Variants in MAGI2 observed in about 807,000 individuals in gnomAD.
The protein encoded by MAGI2 is membrane-associated guanylate kinase, WW and PDZ domain-containing protein 2.
MAGI2 carries 35 observed loss-of-function variants against 133.3 expected under a neutral mutation model. The observed-to-expected ratio is 0.26, with a 90% CI of 0.20 to 0.35. The LOEUF (loss-of-function observed/expected upper bound fraction) is 0.35. Among genes scored for constraint, MAGI2 ranks in the 10% least tolerant of loss-of-function variants. The probability of loss-of-function intolerance (pLI) is 1.00; values close to 1 mark genes in which losing one functional copy is unlikely to be tolerated. For missense variants in MAGI2, 1,636 were observed against 1,863.4 expected (o/e 0.88, Z 2.25); for synonymous variants, 729 against 710.6 (o/e 1.03, Z -0.41).
intron 1 of MAGI2, among the ~76,000 whole-genome samples, chr7:79,359,147 A>T (rs538953379): frequency 6.6e-6 from 1 of 152,332 alleles, no homozygotes; most frequent in Non-Finnish European, 1.5e-5. Flanking sequence ...TCTCCAAGAA[A>T]GTTGTACATA....
intron 9 of MAGI2, among the ~76,000 whole-genome samples, chr7:78,330,298 C>A (rs1325345494): frequency 6.6e-6 from 1 of 152,166 alleles, no homozygotes; most frequent in Non-Finnish European, 1.5e-5. Context: ...CCATAGTAAT[C>A]CATGTCAGAC....
chr7:78,144,894 C>T (rs931877394), intron 16 of MAGI2, among the ~76,000 whole-genome samples: 7 of 152,068 alleles, frequency 4.6e-5, no homozygotes, highest in African/African-American at 1.7e-4. Context: ...CCCCCTGCCC[C>T]CCATGTGCTC....
At chr7:78,768,993 G>A (rs969493295) in intron 2 of MAGI2, among the ~76,000 whole-genome samples, 1 of 152,128 alleles carries the variant, frequency 6.6e-6, no homozygotes, top group East Asian at 1.9e-4. Context: ...AGCGCATCCT[G>A]CCTCTGCTGG....
intron 1 of MAGI2, among the ~76,000 whole-genome samples, chr7:79,166,775 AT>A (rs937462927): frequency 4.6e-5 from 7 of 151,694 alleles, no homozygotes; most frequent in South Asian, 4.2e-4. Flanking sequence ...AGTAAGACTA[AT>A]TTTTTTTTCA....
intron 1 of MAGI2, among the ~76,000 whole-genome samples, chr7:79,218,210 TTCC>T (rs1830178056): frequency 1.3e-5 from 2 of 152,130 alleles, no homozygotes; most frequent in African/African-American, 4.8e-5. Flanking sequence ...ATACTTTGTA[TTCC>T]ATGACCTTAT....
At chr7:79,036,406 C>A (rs1327629889) in intron 1 of MAGI2, among the ~76,000 whole-genome samples, 1 of 152,162 alleles carries the variant, frequency 6.6e-6, no homozygotes, top group Non-Finnish European at 1.5e-5. Context: ...TCCTACATGA[C>A]TGAGGATTAA....
chr7:79,352,240 C>T (rs1055304014), intron 1 of MAGI2, among the ~76,000 whole-genome samples: 5 of 152,114 alleles, frequency 3.3e-5, no homozygotes, highest in African/African-American at 4.8e-5. Flanking sequence ...ATCAATTATG[C>T]GAAGTTAGAC....
At chr7:79,077,500 G>A (rs748287351) in intron 1 of MAGI2, among the ~76,000 whole-genome samples, 5 of 147,860 alleles carry the variant, frequency 3.4e-5, no homozygotes, top group African/African-American at 5.0e-5. Flanking sequence ...GTGTGAACCT[G>A]GCCGGTGGAG....
intron 1 of MAGI2, among the ~76,000 whole-genome samples, chr7:79,287,746 A>G (rs1174301768): frequency 6.6e-6 from 1 of 152,178 alleles, no homozygotes; most frequent in African/African-American, 2.4e-5. Context: ...TTTATCTAGG[A>G]TAATGTAAAG....
intron 21 of MAGI2, among the ~76,000 whole-genome samples, chr7:78,061,409 T>C (rs999945799): frequency 7.2e-6 from 1 of 139,708 alleles, no homozygotes; most frequent in Non-Finnish European, 1.5e-5. Flanking sequence ...GGACTGGTTG[T>C]ACACACACAC....
chr7:79,432,333 C>T (rs1386475556), intron 1 of MAGI2, among the ~76,000 whole-genome samples: 1 of 152,170 alleles, frequency 6.6e-6, no homozygotes, highest in African/African-American at 2.4e-5. Flanking sequence ...CCCACACTAG[C>T]TGTTTGTTGA....
In MAGI2 at chr7:79,028,285, ATATATATGTGTG is replaced by A. The variant is rs1228905213; in HGVS notation, c.302-21091_302-21080del. Among the ~76,000 whole-genome samples the A allele has an allele frequency of 2.5e-3, 137 of 54,302 alleles. 2 individuals are homozygous for A. Among genetic ancestry groups the A allele is most frequent in the African/African-American group, 8.4e-3 (129 of 15,278 alleles). The allele number at this position is 54,302 out of a possible 152,430, so 35.6% of individuals were successfully genotyped here. ...TATATATATGTATGTATGTATATAT[ATATATATGTGTG>A]TATATATATATATATACACACATAT... On this transcript the variant is annotated intron_variant, in intron 1 of 21. Transcript: ENST00000354212.
At position 78,248,319 on chromosome 7, in the gene MAGI2, T is replaced by C. The variant is rs1024649633; in HGVS notation, c.2047+7624A>G. On this transcript the variant is annotated intron_variant, in intron 10 of 21. Coordinates refer to ENST00000354212, the MANE Select transcript of MAGI2 (RefSeq NM_012301.4). Reference sequence around the variant, plus strand: ...CAACATTCACTGATAAGGGCAAATATATCAAATCCAGAATAATTCAATACT... The same window carrying C: ...CAACATTCACTGATAAGGGCAAATACATCAAATCCAGAATAATTCAATACT... Among the ~76,000 whole-genome samples the C allele has an allele frequency of 2.6e-5, 4 of 152,150 alleles. No individual in the cohort carries two copies. In the East Asian group the frequency reaches 7.7e-4, roughly 29 times the overall value.
At position 78,833,640 on chromosome 7, in the gene MAGI2, C is replaced by T. The variant is rs1304031687; in HGVS notation, c.418+173450G>A. ...CTGAACCAAAAGGCTCAATGCCTGA[C>T]CAGGTGTCTCCTCACACAGCCCTCT... On this transcript the variant is annotated intron_variant, in intron 2 of 21. Coordinates refer to ENST00000354212, the MANE Select transcript of MAGI2 (RefSeq NM_012301.4). Among the ~76,000 whole-genome samples the T allele has an allele frequency of 2.6e-5, 4 of 152,168 alleles. No homozygotes were observed. The East Asian group carries it at 7.7e-4, about 29-fold the overall frequency.
chr7:78,635,827 A>C (rs1238358506), intron 2 of MAGI2, among the ~76,000 whole-genome samples: 1 of 152,238 alleles, frequency 6.6e-6, no homozygotes, highest in Non-Finnish European at 1.5e-5. Flanking sequence ...TACATCCGAT[A>C]GATTCCTTTG....
At chr7:79,052,151 C>T (rs1458689444) in intron 1 of MAGI2, among the ~76,000 whole-genome samples, 2 of 152,102 alleles carry the variant, frequency 1.3e-5, no homozygotes, top group East Asian at 3.9e-4. Flanking sequence ...CAGCAGAAAC[C>T]ATGCTAAGTG....
intron 2 of MAGI2, among the ~76,000 whole-genome samples, chr7:78,807,177 G>T (rs983944218): frequency 6.6e-6 from 1 of 151,794 alleles, no homozygotes; most frequent in Admixed American, 6.6e-5. Context: ...TGATCCCTTT[G>T]CACTCTTGTA....
Position 78,498,178 on chromosome 7 carries a change from T to G in MAGI2, c.965+3399A>C, listed in dbSNP as rs79597884. Reference sequence around the variant, plus strand: ...AAAAAACGACTAGTATGTGAGGTAATGCATATGTTAAGTAGCTTAACTGAG... The same window carrying G: ...AAAAAACGACTAGTATGTGAGGTAAGGCATATGTTAAGTAGCTTAACTGAG... On this transcript the variant is annotated intron_variant, in intron 5 of 21. Transcript: ENST00000354212. 4.0e-4 allele frequency among the ~76,000 whole-genome samples: 61 copies of G among 152,354 alleles called. No individual in the cohort carries two copies. The East Asian group carries it at 7.3e-3, about 18-fold the overall frequency.
At chr7:79,427,432 T>C (rs184787273) in intron 1 of MAGI2, among the ~76,000 whole-genome samples, 36 of 152,312 alleles carry the variant, frequency 2.4e-4, no homozygotes, top group African/African-American at 6.5e-4. Context: ...GAAATGATTT[T>C]TCAAGGTGTC....
Sources: gnomAD v4.1 joint callset for allele counts (sites outside exome capture counted in the v4.1 genomes callset) on GRCh38, gnomAD v4.1.1 for gene constraint, MANE v1.5 for transcripts, NCBI Gene and HGNC (gene_info 2026-07-23, HGNC 2026-07-21) for gene names.